The following IL1RAPL2 variants were observed in gnomAD, a reference collection of about 807,000 sequenced individuals.
IL1RAPL2 encodes X-linked interleukin-1 receptor accessory protein-like 2.
IL1RAPL2 carries 3 observed loss-of-function variants against 44.1 expected under a neutral mutation model. The observed-to-expected ratio is 0.07, with a 90% CI of 0.03 to 0.18. IL1RAPL2 has a LOEUF of 0.18. Ranked by LOEUF, IL1RAPL2 falls within the 10% of genes least tolerant of loss-of-function variation. The probability of loss-of-function intolerance (pLI) is 1.00; values close to 1 mark genes in which losing one functional copy is unlikely to be tolerated. For synonymous variants in IL1RAPL2, 181 were observed against 178.8 expected, an observed-to-expected ratio of 1.01 and a Z score of -0.10; for missense variants, 391 against 496.4, an observed-to-expected ratio of 0.79 and a Z score of 2.02.
rs753775370 is a variant in IL1RAPL2, at chrX:105,731,314, T to C, written c.903-9232T>C. The stretch of plus-strand genomic sequence containing the variant: ...CATGGATAAATATAACCTACCACGA[T>C]TGAATAAAAAAGAAAGTGAACCCGA... On this transcript the variant is annotated intron_variant, in intron 7 of 10. Coordinates refer to ENST00000372582, the MANE Select transcript of IL1RAPL2 (RefSeq NM_017416.2). 1.7e-4 allele frequency among the ~76,000 whole-genome samples: 19 copies of C among 109,733 alleles called. 1 individual carries two copies. The highest frequency in any genetic ancestry group is 2.7e-4 in the Non-Finnish European group (14 of 52,405).
chrX:105,131,655 A>G (rs2033027957), intron 2 of IL1RAPL2, among the ~76,000 whole-genome samples: 1 of 110,655 alleles, frequency 9.0e-6, no homozygotes, highest in East Asian at 2.8e-4. Flanking sequence ...AATATAATTT[A>G]TCCTCAAGTT....
intron 2 of IL1RAPL2, among the ~76,000 whole-genome samples, chrX:104,705,041 C>T (rs1931341496): frequency 9.0e-6 from 1 of 111,506 alleles, no homozygotes; most frequent in South Asian, 3.8e-4. Context: ...TCCACAGAAG[C>T]ATTGGAGGGG....
At chrX:104,834,589 A>C (rs1921693516) in intron 2 of IL1RAPL2, among the ~76,000 whole-genome samples, 1 of 112,278 alleles carries the variant, frequency 8.9e-6, no homozygotes, top group Non-Finnish European at 1.9e-5. Context: ...GAGAGTTGCT[A>C]TTCTCATTCA....
chrX:104,795,271 G>A (rs73523381), intron 2 of IL1RAPL2, among the ~76,000 whole-genome samples: 5,894 of 110,973 alleles, frequency 0.053, 418 homozygotes, highest in African/African-American at 0.18. Context: ...GGTAAAAGCA[G>A]GTTTAATTTG....
chrX:105,740,437 C>T (rs1177204310), intron 7 of IL1RAPL2, 109 bp from the exon 8 acceptor site: 5 of 744,417 alleles, frequency 6.7e-6, no homozygotes, highest in African/African-American at 2.1e-5. Context: ...GGATTCTCCA[C>T]GCCCATCATC....
chrX:105,284,534 G>C (rs1014873261), intron 5 of IL1RAPL2, among the ~76,000 whole-genome samples: 2 of 111,927 alleles, frequency 1.8e-5, no homozygotes, highest in Non-Finnish European at 3.8e-5. Context: ...TTAGTTGGAG[G>C]TCTGCCACCA....
intron 2 of IL1RAPL2, among the ~76,000 whole-genome samples, chrX:104,719,964 A>T (rs760017918): frequency 9.0e-6 from 1 of 111,340 alleles, no homozygotes; most frequent in South Asian, 3.8e-4. Flanking sequence ...GCAGATAGTC[A>T]TACTGGATAT....
intron 2 of IL1RAPL2, among the ~76,000 whole-genome samples, chrX:105,180,425 G>T (rs781788851): frequency 3.6e-5 from 4 of 111,925 alleles, no homozygotes; most frequent in Non-Finnish European, 7.5e-5. Flanking sequence ...TAGAGGAAAG[G>T]CTTTCAACTT....
intron 2 of IL1RAPL2, among the ~76,000 whole-genome samples, chrX:104,738,519 G>A (rs1235839410): frequency 8.9e-6 from 1 of 112,493 alleles, no homozygotes; most frequent in East Asian, 2.8e-4. Flanking sequence ...TGACCTCAGA[G>A]AGAAAAGTAT....
chrX:105,733,898 T>C, intron 7 of IL1RAPL2, among the ~76,000 whole-genome samples: 1 of 112,114 alleles, frequency 8.9e-6, no homozygotes, highest in Admixed American at 9.5e-5. Context: ...ATATGCCTTG[T>C]TACTTTTTTG....
intron 3 of IL1RAPL2, 36 bp from the exon 4 acceptor site, chrX:105,233,782 C>T (rs1167795335): frequency 1.8e-6 from 2 of 1,112,525 alleles, no homozygotes; most frequent in East Asian, 6.0e-5. Flanking sequence ...TGTAAACACC[C>T]AATAAAGCCA....
intron 2 of IL1RAPL2, among the ~76,000 whole-genome samples, chrX:104,776,339 A>G (rs1227975102): frequency 8.9e-6 from 1 of 111,930 alleles, no homozygotes; most frequent in Non-Finnish European, 1.9e-5. Flanking sequence ...CTTGCGCATC[A>G]TGAAAGTCTC....
intron 2 of IL1RAPL2, among the ~76,000 whole-genome samples, chrX:104,928,995 C>CTATTGG (rs1278826806): frequency 1.8e-5 from 2 of 111,439 alleles, no homozygotes; most frequent in East Asian, 5.6e-4. Flanking sequence ...GTAACCCTTC[C>CTATTGG]TATTGGTATG....
At chrX:105,347,839 C>T (rs753849049) in intron 5 of IL1RAPL2, among the ~76,000 whole-genome samples, 18 of 111,470 alleles carry the variant, frequency 1.6e-4, no homozygotes, top group African/African-American at 5.5e-4. Flanking sequence ...TACTCCACAC[C>T]TTTGTCGTCA....
intron 6 of IL1RAPL2, among the ~76,000 whole-genome samples, chrX:105,562,786 G>C (rs1335673065): frequency 9.0e-6 from 1 of 111,623 alleles, no homozygotes; most frequent in Non-Finnish European, 1.9e-5. Flanking sequence ...CAATCTGAAA[G>C]ATCTGAAGTT....
chrX:104,903,547 G>C (rs776049813), intron 2 of IL1RAPL2, among the ~76,000 whole-genome samples: 5 of 111,328 alleles, frequency 4.5e-5, no homozygotes, highest in Non-Finnish European at 9.4e-5. Flanking sequence ...TGGACCCTTT[G>C]AGGTCAGTTG....
intron 6 of IL1RAPL2, among the ~76,000 whole-genome samples, chrX:105,663,070 T>G (rs769910131): frequency 8.9e-6 from 1 of 112,183 alleles, no homozygotes; most frequent in East Asian, 2.8e-4. Flanking sequence ...TAGTTGACCC[T>G]TAAAACAACA....
intron 2 of IL1RAPL2, among the ~76,000 whole-genome samples, chrX:105,031,488 T>G (rs2031494680): frequency 8.9e-6 from 1 of 112,065 alleles, no homozygotes; most frequent in African/African-American, 3.2e-5. Context: ...CTTTTCTGCA[T>G]CTATTGAGAT....
At chrX:104,889,653 T>A (rs1158306032) in intron 2 of IL1RAPL2, among the ~76,000 whole-genome samples, 1 of 111,250 alleles carries the variant, frequency 9.0e-6, no homozygotes, top group Non-Finnish European at 1.9e-5. Flanking sequence ...CTAATACCCC[T>A]ATTAATAGGG....
Sources: gnomAD v4.1 joint callset for allele counts (sites outside exome capture counted in the v4.1 genomes callset) on GRCh38, gnomAD v4.1.1 for gene constraint, MANE v1.5 for transcripts, NCBI Gene and HGNC (gene_info 2026-07-23, HGNC 2026-07-21) for gene names.